GTF3C5: variants seen among roughly 807,000 people sequenced by gnomAD.
GTF3C5 encodes the protein general transcription factor IIIC subunit 5.
Under a neutral mutation model 61.0 loss-of-function variants are expected in GTF3C5, and 47 were observed. The ratio of observed to expected loss-of-function variants is 0.77; its 90% CI spans 0.61 to 0.98. The LOEUF is 0.98. Among genes scored for constraint, GTF3C5 ranks in the 50% least tolerant of loss-of-function variants. The probability of loss-of-function intolerance (pLI) is 0.00; values close to 1 mark genes in which losing one functional copy is unlikely to be tolerated. For missense variants in GTF3C5, 659 were observed against 703.3 expected, an observed-to-expected ratio of 0.94 and a Z score of 0.71; for synonymous variants, 295 against 275.4, an observed-to-expected ratio of 1.07 and a Z score of -0.71.
At position 133,042,221 on chromosome 9, in the gene GTF3C5, A is replaced by G; in HGVS notation, c.288A>G (p.Lys96=). Residue 96 remains lysine, a synonymous_variant, in exon 2 of 11, where the codon AAA becomes AAG. Transcript: ENST00000372097. Reference sequence around the variant, plus strand: ...TCAGGAAGAGAACGAGGCGGCAGAAAGGGGTGCTGGGCACTGAGGCCCACT... The same window carrying G: ...TCAGGAAGAGAACGAGGCGGCAGAAGGGGGTGCTGGGCACTGAGGCCCACT... The part of the protein sequence containing the change: ...LRIRKRTRRQ[K]GVLGTEAHSE... 2 of 1,614,014 alleles carry G rather than the reference A, an allele frequency of 1.2e-6. No individual in the cohort carries two copies. The highest frequency in any genetic ancestry group is 1.7e-6 in the Non-Finnish European group (2 of 1,179,828).
chr9:133,051,004 C>A, intron 4 of GTF3C5, 26 bp downstream of exon 4: 1 of 1,538,888 alleles, frequency 6.5e-7, no homozygotes, highest in South Asian at 1.2e-5. Context: ...CGCCTGGCCC[C>A]GGTGGCTCCA....
At chr9:133,052,259 A>C in intron 5 of GTF3C5, 95 bp downstream of exon 5, 4 of 656,606 alleles carry the variant, frequency 6.1e-6, no homozygotes, top group African/African-American at 5.6e-5. Flanking sequence ...AGAGCAGCCA[A>C]CCCCCTATCC....
intron 8 of GTF3C5, chr9:133,055,660 T>C: frequency 6.1e-6 from 6 of 985,262 alleles, no homozygotes; most frequent in Non-Finnish European, 7.2e-6. Context: ...TTAGCAGCAG[T>C]GGGTGAGGGA....
At chr9:133,045,928 T>C (rs78749627) in intron 3 of GTF3C5, among the ~76,000 whole-genome samples, 4,521 of 152,256 alleles carry the variant, frequency 0.03, 212 homozygotes, top group African/African-American at 0.097. Context: ...TGAGCCACAG[T>C]GTCCAGCCCG....
chr9:133,037,861 C>T (rs1396340726), intron 1 of GTF3C5, among the ~76,000 whole-genome samples: 1 of 152,196 alleles, frequency 6.6e-6, no homozygotes, highest in African/African-American at 2.4e-5. Context: ...GAGCGAGCAG[C>T]ACCCTTCTGC....
intron 9 of GTF3C5, 101 bp downstream of exon 9, chr9:133,056,195 G>A (rs1045155033): frequency 1.2e-5 from 11 of 928,404 alleles, no homozygotes; most frequent in South Asian, 1.5e-5. Context: ...CTTCATCTCC[G>A]GCAAGAGCAC....
rs1410460781 is a variant in GTF3C5 at position 133,050,980 on chromosome 9, C to T, written c.768+2C>T. The T allele has an allele frequency of 3.7e-6, 6 of 1,601,820 alleles. No homozygotes were observed. Among genetic ancestry groups the T allele is most frequent in the Non-Finnish European group, 5.1e-6 (6 of 1,174,410 alleles). On this transcript the variant is annotated splice_donor_variant, in intron 4 of 10. Coordinates refer to ENST00000372097, the MANE Select transcript of GTF3C5 (RefSeq NM_012087.4). LOFTEE classifies it low-confidence loss of function (GC_TO_GT_DONOR). ...AAGGTGGAGGAGGAGCTGAGGAAGG[C>T]AAGTCCTGCGCTGCGCCTGGCCCCG...
intron 2 of GTF3C5, among the ~76,000 whole-genome samples, chr9:133,043,200 C>T (rs1850088325): frequency 1.3e-5 from 2 of 152,190 alleles, no homozygotes; most frequent in Admixed American, 1.3e-4. Context: ...TGGGTCATGG[C>T]ATTCACCAAA....
At position 133,046,934 on chromosome 9, in the gene GTF3C5, C is replaced by G. The variant is rs369730356; in HGVS notation, c.572+3008C>G. ...TGGGGGTGGGGAGTGAAGACCAGTG[C>G]CTAGGCTTCATCCTCAAGAGAGAGT... is the stretch of plus-strand genomic sequence containing the variant. On this transcript the variant is annotated intron_variant, in intron 3 of 10. Transcript: ENST00000372097. 1.0e-3 allele frequency among the ~76,000 whole-genome samples: 155 copies of G among 152,234 alleles called. No homozygotes were observed. In the South Asian group the frequency reaches 0.011, roughly 10 times the overall value.
rs1459643500 is a variant in GTF3C5, at chr9:133,056,069, C to G, written c.1225C>G (p.Gln409Glu). 1 of 1,614,040 alleles carries G rather than the reference C, an allele frequency of 6.2e-7. No homozygotes were observed. Among genetic ancestry groups the G allele is most frequent in the Non-Finnish European group, 8.5e-7 (1 of 1,179,898 alleles). Reference sequence around the variant, plus strand: ...GCCACCCTATCGGCAGATGTTCTACCAGTTATGCGACTTGAATGTGGAAGA... The same window carrying G: ...GCCACCCTATCGGCAGATGTTCTACGAGTTATGCGACTTGAATGTGGAAGA... Reference protein sequence around the residue: ...ALPPYRQMFYQLCDLNVEELQ... With the variant: ...ALPPYRQMFYELCDLNVEELQ... The change falls in exon 9 of 11, where the codon CAG becomes GAG. Residue 409 changes from glutamine (Q) to glutamate (E), a missense_variant. Coordinates refer to ENST00000372097, the MANE Select transcript of GTF3C5 (RefSeq NM_012087.4).
In GTF3C5 at chr9:133,054,766, C is replaced by T. The variant is rs368583174; in HGVS notation, c.1124C>T (p.Thr375Met). Reference protein sequence around the residue: ...DLKQGLGPSGTSGARKPASSK... With the variant: ...DLKQGLGPSGMSGARKPASSK... ...AAGCAGGGCCTGGGCCCGTCGGGGACGAGTGGTGCTCGGAAACCAGCTTCC... is the reference window on the plus strand; with the variant it reads ...AAGCAGGGCCTGGGCCCGTCGGGGATGAGTGGTGCTCGGAAACCAGCTTCC... Residue 375 changes from threonine to methionine, a missense_variant, in exon 8 of 11, where the codon ACG becomes ATG. Transcript: ENST00000372097. The T allele has an allele frequency of 4.4e-5, 70 of 1,585,068 alleles. No homozygotes were observed. Among genetic ancestry groups the T allele is most frequent in the East Asian group, 1.8e-4 (8 of 43,754 alleles).
intron 1 of GTF3C5, among the ~76,000 whole-genome samples, chr9:133,036,504 C>G (rs1372957224): frequency 6.6e-6 from 1 of 152,136 alleles, no homozygotes; most frequent in Non-Finnish European, 1.5e-5. Flanking sequence ...AGGAACACCA[C>G]AGGTTGCCAG....
intron 8 of GTF3C5, chr9:133,055,504 C>G: frequency 8.3e-7 from 1 of 1,198,810 alleles, no homozygotes; most frequent in South Asian, 1.5e-5. Flanking sequence ...TGCGGCCTTC[C>G]TTCTCGAGGC....
At chr9:133,052,235 T>G (rs1333345960) in intron 5 of GTF3C5, 71 bp downstream of exon 5, 2 of 808,798 alleles carry the variant, frequency 2.5e-6, no homozygotes, top group Non-Finnish European at 4.2e-6. Context: ...CTGTGATGTC[T>G]TAGAGCCACA....
At chr9:133,042,929 C>T (rs974820722) in intron 2 of GTF3C5, among the ~76,000 whole-genome samples, 1 of 152,210 alleles carries the variant, frequency 6.6e-6, no homozygotes, top group African/African-American at 2.4e-5. Context: ...AGCCTGCGTT[C>T]CTTAGGCCCT....
chr9:133,045,035 C>A (rs568133694), intron 3 of GTF3C5, among the ~76,000 whole-genome samples: 44 of 152,316 alleles, frequency 2.9e-4, no homozygotes, highest in African/African-American at 9.6e-4. Flanking sequence ...CAGGCCTGGG[C>A]ATTGTCAAAT....
Position 133,056,056 on chromosome 9 carries a change from G to C in GTF3C5, c.1212G>C (p.Arg404=). 6.2e-7 allele frequency: 1 copy of C among 1,614,134 alleles called. No individual in the cohort carries two copies. Among genetic ancestry groups the C allele is most frequent in the Non-Finnish European group, 8.5e-7 (1 of 1,179,980 alleles). The change falls in exon 9 of 11, where the codon CGG becomes CGC. Residue 404 remains arginine, a synonymous_variant. Transcript: ENST00000372097. Reference sequence around the variant, plus strand: ...GGGAAGGGGCCTTGCCACCCTATCGGCAGATGTTCTACCAGTTATGCGACT... The same window carrying C: ...GGGAAGGGGCCTTGCCACCCTATCGCCAGATGTTCTACCAGTTATGCGACT... ...IFREGALPPY[R]QMFYQLCDLN...
At chr9:133,053,460 C>T (rs1282689881) in intron 5 of GTF3C5, among the ~76,000 whole-genome samples, 1 of 152,186 alleles carries the variant, frequency 6.6e-6, no homozygotes, top group Non-Finnish European at 1.5e-5. Flanking sequence ...TGGCTCGTGC[C>T]TGTAGTTCCA....
chr9:133,054,065 T>C, intron 6 of GTF3C5, 123 bp downstream of exon 6: 1 of 706,994 alleles, frequency 1.4e-6, no homozygotes, highest in Non-Finnish European at 2.4e-6. Flanking sequence ...TTGCCCCCGT[T>C]GCTGAGACTC....
Sources: allele counts gnomAD v4.1 joint callset (sites outside exome capture counted in the v4.1 genomes callset), GRCh38; gene constraint gnomAD v4.1.1; transcripts MANE v1.5; gene names NCBI Gene and HGNC (gene_info 2026-07-23, HGNC 2026-07-21).